The following AGBL5 variants were observed in gnomAD, a reference collection of about 807,000 sequenced individuals.
The protein encoded by AGBL5 is AGBL carboxypeptidase 5, also known as cytosolic carboxypeptidase-like protein 5.
A neutral mutation model predicts 88.0 loss-of-function variants in AGBL5; 51 were observed. The ratio of observed to expected loss-of-function variants is 0.58; its 90% CI spans 0.46 to 0.73. The LOEUF (loss-of-function observed/expected upper bound fraction) is 0.73. Among genes scored for constraint, AGBL5 ranks in the 30% least tolerant of loss-of-function variants. The pLI is 0.00. For missense variants in AGBL5, 1,031 were observed against 1,162.2 expected (o/e 0.89, Z 1.64); for synonymous variants, 446 against 438.8 (o/e 1.02, Z -0.21).
chr2:27,060,933 A>T (rs567005384), intron 11 of AGBL5: 37 of 152,214 alleles, frequency 2.4e-4, no homozygotes, highest in Non-Finnish European at 1.2e-4. Context: ...CATTTTTCCA[A>T]CAAGTAAACT....
At position 27,054,025 on chromosome 2, in the gene AGBL5, C is replaced by A. The variant is rs1378155702; in HGVS notation, c.517C>A (p.Gln173Lys). The A allele has an allele frequency of 6.2e-7, 1 of 1,614,026 alleles. No individual in the cohort carries two copies. Among genetic ancestry groups the A allele is most frequent in the Admixed American group, 1.7e-5 (1 of 59,992 alleles). ...CCAGGAACTGCTAAACCAGCTAGAC[C>A]AGCGCTTTCCGGAGAACCACCCTAC... The part of the protein sequence containing the change: ...DCQELLNQLD[Q>K]RFPENHPTHS... The change falls in exon 4 of 15, where the codon CAG (glutamine) becomes AAG (lysine). Residue 173 changes from glutamine (Q) to lysine (K), a missense_variant. Transcript: ENST00000360131.
At chr2:27,055,601 C>G (rs546416773) in intron 6 of AGBL5, 81 bp from the exon 7 acceptor site, 3 of 1,291,136 alleles carry the variant, frequency 2.3e-6, no homozygotes, top group Non-Finnish European at 3.2e-6. Flanking sequence ...CAGTCTCCTA[C>G]GGTCTCCTTT....
At chr2:27,054,922 G>A (rs887012750) in intron 5 of AGBL5, 115 bp downstream of exon 5, 75 of 1,495,300 alleles carry the variant, frequency 5.0e-5, no homozygotes, top group African/African-American at 4.9e-4. Flanking sequence ...CGCCCGCAGC[G>A]TGCGGCAAGG....
In AGBL5 at chr2:27,056,181, A is replaced by T. The variant is rs146812730; in HGVS notation, c.1365+43A>T. The T allele has an allele frequency of 8.0e-4, 1,261 of 1,580,344 alleles. 2 individuals carry two copies. The highest frequency in any genetic ancestry group is 3.9e-4 in the Non-Finnish European group (450 of 1,160,300). On this transcript the variant is annotated intron_variant, in intron 7 of 14. Transcript: ENST00000360131. Reference sequence around the variant, plus strand: ...GTCATGTGAGTGTGAGAAGTGTTACAGGTTAGGAGATGGGGTTAGGCCATG... The same window carrying T: ...GTCATGTGAGTGTGAGAAGTGTTACTGGTTAGGAGATGGGGTTAGGCCATG...
chr2:27,063,265 A>C (rs891744133), intron 11 of AGBL5, among the ~76,000 whole-genome samples: 4 of 152,224 alleles, frequency 2.6e-5, no homozygotes, highest in Non-Finnish European at 5.9e-5. Flanking sequence ...GTATTTGTTG[A>C]ATGAATAAAA....
intron 4 of AGBL5, chr2:27,054,349 CT>C (rs1405710062): frequency 2.5e-5 from 14 of 552,602 alleles, no homozygotes; most frequent in Non-Finnish European, 3.8e-5. Context: ...CTCAGTATAC[CT>C]TTTTTATCTG....
intron 11 of AGBL5, 108 bp from the exon 12 acceptor site, chr2:27,067,386 G>A (rs778209953): frequency 4.5e-5 from 50 of 1,108,948 alleles, no homozygotes; most frequent in Non-Finnish European, 6.4e-5. Flanking sequence ...CTGATGACAA[G>A]CTTGAAAACT....
intron 8 of AGBL5, 69 bp from the exon 9 acceptor site, chr2:27,057,234 A>C: frequency 6.6e-7 from 1 of 1,513,638 alleles, no homozygotes; most frequent in South Asian, 1.3e-5. Context: ...TGACCACCTA[A>C]GTTGTCCTCT....
chr2:27,063,512 G>A (rs571877088), intron 11 of AGBL5, among the ~76,000 whole-genome samples: 95 of 151,638 alleles, frequency 6.3e-4, no homozygotes, highest in Non-Finnish European at 1.1e-3. Flanking sequence ...GGAGAATGGC[G>A]TGAACCCAGG....
chr2:27,059,266 A>G lies in AGBL5; in HGVS notation c.1951A>G (p.Ser651Gly), dbSNP rs1668589202. The change falls in exon 11 of 15, where the codon AGC becomes GGC. Residue 651 changes from serine to glycine, a missense_variant. By Grantham distance (56) the Ser-to-Gly change is moderately conservative. This residue lies in a region of AGBL5 where 491 missense variants were observed against 484.0 expected (regional missense o/e 1.01). Transcript: ENST00000360131. ...SFSTGTSAGG[S>G]SSSQQNSPQM... Reference sequence around the variant, plus strand: ...TAGCACCGGCACAAGTGCCGGTGGTAGCAGCAGCAGCCAACAAAATTCTCC... The same window carrying G: ...TAGCACCGGCACAAGTGCCGGTGGTGGCAGCAGCAGCCAACAAAATTCTCC... 4 of 1,614,022 alleles carry G rather than the reference A, an allele frequency of 2.5e-6. No homozygotes were observed. The highest frequency in any genetic ancestry group is 2.7e-5 in the African/African-American group (2 of 74,920).
At position 27,051,715 on chromosome 2, in the gene AGBL5, G is replaced by A. The variant is rs1668151851; in HGVS notation, c.-125G>A. On this transcript the variant is annotated 5_prime_UTR_variant, in exon 1 of 15. Transcript: ENST00000360131. ...GCGCTCGGGTGTTTTTGGGGGCCCG[G>A]GTGGAGGGCCCGGGTGCCGGGGCCC... 1 of 152,278 alleles carries A rather than the reference G, an allele frequency of 6.6e-6. No individual in the cohort carries two copies. The highest frequency in any genetic ancestry group is 1.9e-4 in the East Asian group (1 of 5,194). The allele number at this position is 152,278 out of a possible 1,614,324, so 9.4% of individuals were successfully genotyped here. A position where few individuals can be genotyped will look rare whatever the true frequency, so the allele number is the denominator to read the frequency against.
chr2:27,051,250 A>T (rs765773317), upstream of AGBL5, among the ~76,000 whole-genome samples: 2 of 152,208 alleles, frequency 1.3e-5, no homozygotes, highest in Non-Finnish European at 2.9e-5. Context: ...CTCGCTTAGC[A>T]TGCGAGAGGT....
intron 11 of AGBL5, among the ~76,000 whole-genome samples, chr2:27,059,902 A>G (rs537338951): frequency 6.6e-6 from 1 of 152,330 alleles, no homozygotes; most frequent in Admixed American, 6.5e-5. Flanking sequence ...TAATCCCAGC[A>G]CTATGGGAGG....
chr2:27,055,540 G>A (rs1405411580), intron 6 of AGBL5, 142 bp from the exon 7 acceptor site: 9 of 880,488 alleles, frequency 1.0e-5, no homozygotes, highest in African/African-American at 1.7e-5. Flanking sequence ...GAGAGGCCCT[G>A]TCTTCAATTC....
chr2:27,050,774 C>G (rs749604563), upstream of AGBL5, among the ~76,000 whole-genome samples: 1 of 143,838 alleles, frequency 7.0e-6, no homozygotes, highest in African/African-American at 2.5e-5. Flanking sequence ...CATCTTATCG[C>G]AGCGGAGCCT....
At position 27,059,311 on chromosome 2, in the gene AGBL5, A is replaced by G. The variant is rs1201864005; in HGVS notation, c.1996A>G (p.Ser666Gly). 1 of 1,614,068 alleles carries G rather than the reference A, an allele frequency of 6.2e-7. No homozygotes were observed. Residue 666 changes from serine (S) to glycine (G), a missense_variant, in exon 11 of 15, where the codon AGC becomes GGC. This residue lies in a region of AGBL5 where 491 missense variants were observed against 484.0 expected (regional missense o/e 1.01). Coordinates refer to ENST00000360131, the MANE Select transcript of AGBL5 (RefSeq NM_021831.6). ...TTCTCCACAGATGAAGAATTCCCCC[A>G]GCTTTCCTTTTCATGGCAGTCGGCC... ...QNSPQMKNSP[S>G]FPFHGSRPAG... is the part of the protein sequence containing the mutation.
At chr2:27,069,797 A>C in intron 14 of AGBL5, 91 bp downstream of exon 14, 3 of 1,513,434 alleles carry the variant, frequency 2.0e-6, no homozygotes, top group Non-Finnish European at 2.7e-6. Flanking sequence ...CTGCTTCCCT[A>C]CTCCTTTTGA....
chr2:27,058,378 G>A lies in AGBL5; in HGVS notation c.1672-22G>A, dbSNP rs561207457. On this transcript the variant is annotated intron_variant, in intron 9 of 14. Coordinates refer to ENST00000360131, the MANE Select transcript of AGBL5 (RefSeq NM_021831.6). ...CTGGATGGGAGGACCAGCATGCTGA[G>A]CCAAACTGGACTACCCCACAGGTGG... 5.6e-6 allele frequency: 9 copies of A among 1,612,412 alleles called. No individual in the cohort carries two copies. In the South Asian group the frequency reaches 8.8e-5, roughly 16 times the overall value.
intron 10 of AGBL5, 74 bp downstream of exon 10, chr2:27,058,676 A>AT: frequency 6.7e-7 from 1 of 1,500,192 alleles, no homozygotes; most frequent in Admixed American, 1.9e-5. Flanking sequence ...GTTCCAAGGG[A>AT]TTTATATTCC....
Sources: gnomAD v4.1 joint callset for allele counts (sites outside exome capture counted in the v4.1 genomes callset) on GRCh38, gnomAD v4.1.1 for gene constraint, gnomAD v4.1.1 regional missense constraint, MANE v1.5 for transcripts, NCBI Gene and HGNC (gene_info 2026-07-23, HGNC 2026-07-21) for gene names.